Variants in USP35 observed in about 807,000 individuals in gnomAD.
The protein encoded by USP35 is ubiquitin specific peptidase 35, also known as ubiquitin carboxyl-terminal hydrolase 35.
A neutral mutation model predicts 83.8 loss-of-function variants in USP35; 69 were observed. The ratio of observed to expected loss-of-function variants is 0.82; its 90% CI spans 0.68 to 1.01. The LOEUF (loss-of-function observed/expected upper bound fraction) is 1.01. USP35 is among the 50% of genes least tolerant of loss of function. The pLI is 0.00. For missense variants in USP35, 1,503 were observed against 1,362.5 expected, an observed-to-expected ratio of 1.10 and a Z score of -1.62; for synonymous variants, 714 against 589.5, an observed-to-expected ratio of 1.21 and a Z score of -3.06.
At position 78,214,270 on chromosome 11, in the gene USP35, GT is replaced by G. The variant is rs1231484604; in HGVS notation, c.*460del. ...GGGCAGTGTCTCCTCTGGCTGTCCTGTTTGTTTGTTTCTCATATGGGGGTGG... is the reference window on the plus strand; with the variant it reads ...GGGCAGTGTCTCCTCTGGCTGTCCTGTTGTTTGTTTCTCATATGGGGGTGG... On this transcript the variant is annotated 3_prime_UTR_variant, in exon 11 of 11. Coordinates refer to ENST00000529308, the MANE Select transcript of USP35 (RefSeq NM_020798.4). 1.2e-5 allele frequency: 1 copy of G among 82,178 alleles called. No homozygotes were observed. The highest frequency in any genetic ancestry group is 2.2e-5 in the Non-Finnish European group (1 of 46,072). 5.1% of individuals were successfully genotyped at this position (82,178 alleles called of 1,614,324 possible).
At chr11:78,225,597 A>T in the USP35 span, among the ~76,000 whole-genome samples, 1 of 152,254 alleles carries the variant, frequency 6.6e-6, no homozygotes, top group Non-Finnish European at 1.5e-5. Context: ...GGGCAGGAAC[A>T]TGTTTTATGT....
At chr11:78,223,516 G>A in the USP35 span, 1 of 1,612,876 alleles carries the variant, frequency 6.2e-7, no homozygotes, top group Non-Finnish European at 8.5e-7. Context: ...GTAGCCAAGT[G>A]AGTCAAAGTG....
chr11:78,204,856 T>G (rs1476879040), intron 6 of USP35, among the ~76,000 whole-genome samples: 1 of 152,180 alleles, frequency 6.6e-6, no homozygotes, highest in Admixed American at 6.5e-5. Context: ...TGAGCAAAAG[T>G]GTTAAACCCC....
chr11:78,197,288 T>A (rs969229926), intron 2 of USP35, among the ~76,000 whole-genome samples: 2 of 151,360 alleles, frequency 1.3e-5, no homozygotes, highest in Non-Finnish European at 1.5e-5. Context: ...TGATAGAAGC[T>A]ATCACTTTAG....
At chr11:78,222,161 G>T in the USP35 span, 5 of 1,613,828 alleles carry the variant, frequency 3.1e-6, no homozygotes, top group African/African-American at 1.3e-5. Flanking sequence ...CATCGATGAC[G>T]GTGTTGTTCC....
At chr11:78,209,347 C>A in intron 9 of USP35, 101 bp from the exon 10 acceptor site, 2 of 1,279,376 alleles carry the variant, frequency 1.6e-6, no homozygotes, top group Non-Finnish European at 2.1e-6. Context: ...GTGTGCGTCT[C>A]AATGTGTGGC....
the USP35 span, chr11:78,223,547 G>A: frequency 6.2e-7 from 1 of 1,613,716 alleles, no homozygotes. Context: ...GGGCTCATTG[G>A]GATGTAGACG....
At chr11:78,190,075 G>C (rs1247111218) in intron 1 of USP35, among the ~76,000 whole-genome samples, 1 of 152,140 alleles carries the variant, frequency 6.6e-6, no homozygotes, top group South Asian at 2.1e-4. Context: ...GAGGGTCAGA[G>C]AGGGGAGGAA....
chr11:78,223,716 G>C, the USP35 span: 3 of 1,516,610 alleles, frequency 2.0e-6, no homozygotes, highest in Non-Finnish European at 2.7e-6. Context: ...GCTGTTACTA[G>C]CAAGAAGAAA....
chr11:78,223,481 G>T, the USP35 span: 2 of 1,603,120 alleles, frequency 1.2e-6, no homozygotes, highest in Non-Finnish European at 8.5e-7. Context: ...CTGGGGCCTC[G>T]GTGCACAGGA....
rs370665564 is a variant in USP35, at chr11:78,213,751, T to C, written c.2995T>C (p.Ser999Pro). Residue 999 changes from serine to proline, a missense_variant, in exon 11 of 11, where the codon TCT becomes CCT. By Grantham distance (74) the Ser-to-Pro change is moderately conservative. Transcript: ENST00000529308. ...TGAAGACAAGGATGAGGATGAAGGC[T>C]CTCCAGGGGGCTGCAATCCTGCAGG... ...FDEDKDEDEG[S>P]PGGCNPAGGN... is the part of the protein sequence containing the mutation. 1 of 1,541,358 alleles carries C rather than the reference T, an allele frequency of 6.5e-7. No homozygotes were observed. Among genetic ancestry groups the C allele is most frequent in the Non-Finnish European group, 8.7e-7 (1 of 1,153,508 alleles).
Position 78,213,878 on chromosome 11 carries a change from G to A in USP35, c.*65G>A, listed in dbSNP as rs1037964903. On this transcript the variant is annotated 3_prime_UTR_variant, in exon 11 of 11. Coordinates refer to ENST00000529308, the MANE Select transcript of USP35 (RefSeq NM_020798.4). ...CCAGGTAGGGCCTGAGGGAAGCTGTGGAGGCAGGCCCTACCAAGAGGAAGG... is the reference window on the plus strand; with the variant it reads ...CCAGGTAGGGCCTGAGGGAAGCTGTAGAGGCAGGCCCTACCAAGAGGAAGG... The A allele has an allele frequency of 4.6e-6, 7 of 1,513,930 alleles. No individual in the cohort carries two copies. Among genetic ancestry groups the A allele is most frequent in the East Asian group, 5.3e-5 (2 of 37,980 alleles). 93.8% of individuals were successfully genotyped at this position (1,513,930 alleles called of 1,614,324 possible). A position where few individuals can be genotyped will look rare whatever the true frequency, so the allele number is the denominator to read the frequency against.
the USP35 span, chr11:78,226,567 G>C: frequency 7.0e-7 from 1 of 1,420,876 alleles, no homozygotes; most frequent in South Asian, 1.1e-5. Flanking sequence ...CTCTGCTGAG[G>C]ACTGCCCCAT....
chr11:78,229,510 C>T, the USP35 span, among the ~76,000 whole-genome samples: 1 of 152,184 alleles, frequency 6.6e-6, no homozygotes, highest in Non-Finnish European at 1.5e-5. Context: ...GAACTCTTCT[C>T]CTCCTGCCTC....
rs1441444825 is a variant in USP35, at chr11:78,210,172, A to C, written c.2317A>C (p.Lys773Gln). Residue 773 changes from lysine (K) to glutamine (Q), a missense_variant, in exon 10 of 11, where the codon AAG becomes CAG. Physicochemically the swap from Lys to Gln is moderately conservative, Grantham distance 53. Transcript: ENST00000529308. ...DLVNYFLSPE[K>Q]LTAENRYYCE... ...GGTTAACTACTTCCTGTCCCCCGAGAAGCTGACAGCAGAAAACCGCTACTA... is the reference window on the plus strand; with the variant it reads ...GGTTAACTACTTCCTGTCCCCCGAGCAGCTGACAGCAGAAAACCGCTACTA... 3.1e-6 allele frequency: 5 copies of C among 1,613,698 alleles called. No homozygotes were observed. The highest frequency in any genetic ancestry group is 8.5e-7 in the Non-Finnish European group (1 of 1,179,904).
Position 78,209,878 on chromosome 11 carries a change from G to GC in USP35, c.2023_2024insC (p.Glu675AlafsTer54). On this transcript the variant is annotated frameshift_variant, in exon 10 of 11. Coordinates refer to ENST00000529308, the MANE Select transcript of USP35 (RefSeq NM_020798.4). LOFTEE classifies it high-confidence loss of function. ...AGCTGGTGGGCAGAGCAGTCAGGAG[G>GC]AAAGGATAGAGAGGGAGGAAGAAGG... 2.5e-6 allele frequency: 4 copies of GC among 1,607,654 alleles called. No homozygotes were observed. The highest frequency in any genetic ancestry group is 3.4e-6 in the Non-Finnish European group (4 of 1,176,640).
At chr11:78,224,545 C>G in the USP35 span, among the ~76,000 whole-genome samples, 3 of 152,232 alleles carry the variant, frequency 2.0e-5, no homozygotes, top group Non-Finnish European at 2.9e-5. Flanking sequence ...AACTCTTGCT[C>G]TATCTGCCGT....
In USP35 at chr11:78,210,099, C is replaced by T. The variant is rs759742553; in HGVS notation, c.2244C>T (p.Ser748=). 104 of 1,614,016 alleles carry T rather than the reference C, an allele frequency of 6.4e-5. No homozygotes were observed. The Middle Eastern group carries it at 6.6e-4, about 10-fold the overall frequency. ...AGTHPDAAIP[S]GERTCGSEGS... ...CCCACCCGGATGCTGCCATCCCCTC[C>T]GGGGAGCGGACATGTGGCTCTGAGG... Residue 748 remains serine, a synonymous_variant, in exon 10 of 11, where the codon TCC becomes TCT. Transcript: ENST00000529308.
chr11:78,225,266 C>A, the USP35 span: 2 of 1,064,912 alleles, frequency 1.9e-6, no homozygotes, highest in Non-Finnish European at 2.9e-6. Context: ...CTTACCCATA[C>A]CCTCACCAGT....
Sources: allele counts gnomAD v4.1 joint callset (sites outside exome capture counted in the v4.1 genomes callset), GRCh38; gene constraint gnomAD v4.1.1; transcripts MANE v1.5; gene names NCBI Gene and HGNC (gene_info 2026-07-23, HGNC 2026-07-21).